CLNK: variants seen among roughly 807,000 people sequenced by gnomAD.
CLNK encodes cytokine dependent hematopoietic cell linker.
CLNK carries 74 observed loss-of-function variants against 68.6 expected under a neutral mutation model. That is an observed-to-expected ratio of 1.08 (90% CI 0.89 to 1.31). CLNK has a LOEUF of 1.31. Among genes scored for constraint, CLNK ranks in the 50% most tolerant of loss-of-function variants. The probability of loss-of-function intolerance (pLI) is 0.00; values close to 1 mark genes in which losing one functional copy is unlikely to be tolerated. For synonymous variants in CLNK, 198 were observed against 172.2 expected (o/e 1.15, Z -1.17); for missense variants, 553 against 515.3 (o/e 1.07, Z -0.71).
the CLNK span, among the ~76,000 whole-genome samples, chr4:10,708,307 A>G: frequency 2.0e-5 from 3 of 152,156 alleles, no homozygotes; most frequent in African/African-American, 7.2e-5. Flanking sequence ...AACAATATTT[A>G]TTATTTCTAG....
rs187384370 is a variant in CLNK, at chr4:10,532,147, T to C, written c.630+109A>G. On this transcript the variant is annotated intron_variant, in intron 12 of 18. Transcript: ENST00000226951. ...TACTAATGCATTTTGAGCATAGCTATTGTGAGAACTAAGTGTAAGTATCTG... is the reference window on the plus strand; with the variant it reads ...TACTAATGCATTTTGAGCATAGCTACTGTGAGAACTAAGTGTAAGTATCTG... 4 of 804,102 alleles carry C rather than the reference T, an allele frequency of 5.0e-6. No individual in the cohort carries two copies. The African/African-American group carries it at 6.7e-5, about 14-fold the overall frequency. The allele number at this position is 804,102 out of a possible 1,614,324, so 49.8% of individuals were successfully genotyped here.
At chr4:10,722,188 A>G in the CLNK span, among the ~76,000 whole-genome samples, 1 of 152,172 alleles carries the variant, frequency 6.6e-6, no homozygotes, top group Non-Finnish European at 1.5e-5. Flanking sequence ...GTAAATAAAT[A>G]TGATAAGGTA....
chr4:10,523,716 C>A (rs958361926), intron 14 of CLNK, among the ~76,000 whole-genome samples: 2 of 152,154 alleles, frequency 1.3e-5, no homozygotes, highest in Non-Finnish European at 2.9e-5. Context: ...ACATTTTTTA[C>A]TTTTAGAAAA....
intron 3 of CLNK, among the ~76,000 whole-genome samples, chr4:10,590,299 C>G (rs1026584655): frequency 1.3e-5 from 2 of 152,200 alleles, no homozygotes; most frequent in Non-Finnish European, 2.9e-5. Context: ...TTCCACTTCT[C>G]TCTCCTGCTG....
At chr4:10,648,351 A>G (rs552400631) in intron 2 of CLNK, among the ~76,000 whole-genome samples, 1 of 152,158 alleles carries the variant, frequency 6.6e-6, no homozygotes, top group South Asian at 2.1e-4. Context: ...TTGTCTTAGG[A>G]CTCCAAGATC....
chr4:10,574,334 A>G (rs1000732188), intron 4 of CLNK, among the ~76,000 whole-genome samples: 1 of 152,082 alleles, frequency 6.6e-6, no homozygotes, highest in African/African-American at 2.4e-5. Context: ...GTGAGGCCCT[A>G]CCTTGTGGGA....
the CLNK span, among the ~76,000 whole-genome samples, chr4:10,698,370 G>T: frequency 1.4e-4 from 21 of 152,278 alleles, no homozygotes; most frequent in East Asian, 2.5e-3. Flanking sequence ...CCTTGTACCT[G>T]GTGAAATACC....
chr4:10,615,291 C>T (rs1722185627), intron 2 of CLNK, among the ~76,000 whole-genome samples: 1 of 152,160 alleles, frequency 6.6e-6, no homozygotes, highest in Non-Finnish European at 1.5e-5. Context: ...ACCAGCCAGG[C>T]CAACATGGCA....
intron 3 of CLNK, among the ~76,000 whole-genome samples, chr4:10,588,677 A>G (rs893726252): frequency 1.3e-5 from 2 of 152,196 alleles, no homozygotes; most frequent in African/African-American, 2.4e-5. Flanking sequence ...AAAGCTGTAC[A>G]TAGTTAATGT....
chr4:10,501,351 C>T lies in CLNK; in HGVS notation c.1045G>A (p.Ala349Thr). 6.2e-7 allele frequency: 1 copy of T among 1,609,820 alleles called. No homozygotes were observed. The part of the protein sequence containing the change: ...TKSKEEPYVL[A>T]VFYENKVYNV... ...TAGACTTTGTTCTCATAAAACACAG[C>T]CAAAACATAGGGCTCTTCCTTGGAT... Residue 349 changes from alanine (A) to threonine (T), a missense_variant, in exon 18 of 19, where the codon GCT becomes ACT. Transcript: ENST00000226951.
intron 12 of CLNK, chr4:10,531,737 G>T (rs1718550747): frequency 2.2e-6 from 1 of 456,578 alleles, no homozygotes; most frequent in East Asian, 6.9e-5. Flanking sequence ...CACTGCACCT[G>T]GCCCCCATCC....
At chr4:10,734,186 G>T in the CLNK span, among the ~76,000 whole-genome samples, 1 of 152,142 alleles carries the variant, frequency 6.6e-6, no homozygotes, top group Non-Finnish European at 1.5e-5. Context: ...AGTCAGAGAG[G>T]TTAAGGAACT....
chr4:10,487,755 C>T lies in CLNK; in HGVS notation c.*2712G>A, dbSNP rs1716414375. ...TCTGGGCAAACTTTGCTTTGGGCCT[C>T]ACTATGAGCTGGCCAAAACTCTCCC... On this transcript the variant is annotated 3_prime_UTR_variant, in exon 19 of 19. Transcript: ENST00000226951. 6.6e-6 allele frequency: 1 copy of T among 152,126 alleles called. No homozygotes were observed. Among genetic ancestry groups the T allele is most frequent in the African/African-American group, 2.4e-5 (1 of 41,422 alleles). 9.4% of individuals were successfully genotyped at this position (152,126 alleles called of 1,614,324 possible). A position where few individuals can be genotyped will look rare whatever the true frequency, so the allele number is the denominator to read the frequency against.
At chr4:10,673,378 A>T (rs4697776) in intron 1 of CLNK, among the ~76,000 whole-genome samples, 1 of 151,864 alleles carries the variant, frequency 6.6e-6, no homozygotes, top group Admixed American at 6.6e-5. Flanking sequence ...CTCTTGCCTG[A>T]TTGCCCTGGA....
At chr4:10,540,677 C>A in intron 10 of CLNK, 73 bp from the exon 11 acceptor site, 1 of 995,220 alleles carries the variant, frequency 1.0e-6, no homozygotes, top group Non-Finnish European at 1.6e-6. Context: ...TGAATCCACA[C>A]TGCTCTGCCC....
the CLNK span, among the ~76,000 whole-genome samples, chr4:10,726,021 A>C: frequency 1.6e-4 from 25 of 152,280 alleles, no homozygotes; most frequent in Admixed American, 1.3e-3. Context: ...GGCTGTGAGC[A>C]AGGTGTGGGC....
At chr4:10,606,914 G>C (rs1319936385) in intron 2 of CLNK, among the ~76,000 whole-genome samples, 1 of 152,192 alleles carries the variant, frequency 6.6e-6, no homozygotes, top group African/African-American at 2.4e-5. Flanking sequence ...GTTTTTAACA[G>C]GTAGTAAGCA....
At chr4:10,630,295 G>A (rs1433765656) in intron 2 of CLNK, among the ~76,000 whole-genome samples, 2 of 152,166 alleles carry the variant, frequency 1.3e-5, no homozygotes, top group Admixed American at 1.3e-4. Flanking sequence ...ACACGCATTT[G>A]TACCCATTGG....
intron 2 of CLNK, among the ~76,000 whole-genome samples, chr4:10,649,016 T>C (rs1269199584): frequency 6.6e-6 from 1 of 152,256 alleles, no homozygotes. Flanking sequence ...GAGCACAAAG[T>C]TTGGCATGCA....
Sources: allele counts gnomAD v4.1 joint callset (sites outside exome capture counted in the v4.1 genomes callset), GRCh38; gene constraint gnomAD v4.1.1; transcripts MANE v1.5; gene names NCBI Gene and HGNC (gene_info 2026-07-23, HGNC 2026-07-21).